Variants in TCF12 observed in about 807,000 individuals in gnomAD.
The protein encoded by TCF12 is DNA-binding protein HTF4.
TCF12 carries 45 observed loss-of-function variants against 86.0 expected under a neutral mutation model. The observed-to-expected ratio is 0.52, with a 90% CI of 0.41 to 0.67. The LOEUF is 0.67. TCF12 is among the 30% of genes least tolerant of loss of function. The pLI is 0.00. For missense variants in TCF12, 881 were observed against 859.9 expected (o/e 1.02, Z -0.31); for synonymous variants, 330 against 299.6 (o/e 1.10, Z -1.05).
intron 4 of TCF12, among the ~76,000 whole-genome samples, chr15:57,065,791 G>T (rs1393086448): frequency 1.3e-5 from 2 of 152,062 alleles, no homozygotes; most frequent in Non-Finnish European, 2.9e-5. Flanking sequence ...GGTCAAATGT[G>T]AAATGCTGTA....
At chr15:57,225,783 T>G (rs2058844414) in intron 8 of TCF12, among the ~76,000 whole-genome samples, 1 of 152,130 alleles carries the variant, frequency 6.6e-6, no homozygotes, top group Non-Finnish European at 1.5e-5. Flanking sequence ...CCCATAAAAT[T>G]GAGAAAGAGA....
rs142517885 is a variant in TCF12, at chr15:57,150,137, C to G, written c.326-16265C>G. On this transcript the variant is annotated intron_variant, in intron 5 of 20. Coordinates refer to ENST00000333725, the MANE Select transcript of TCF12 (RefSeq NM_207037.2). ...TGGCAGTCTTTGTGAGTTGAGAAGA[C>G]AAAAATCAGAATTCAGAGAAGCTAT... 7.9e-3 allele frequency among the ~76,000 whole-genome samples: 1,209 copies of G among 152,174 alleles called. 11 individuals are homozygous for G. The highest frequency in any genetic ancestry group is 0.013 in the Non-Finnish European group (915 of 68,000).
chr15:56,933,280 T>C (rs181630533), intron 3 of TCF12, among the ~76,000 whole-genome samples: 6 of 152,350 alleles, frequency 3.9e-5, no homozygotes, highest in Admixed American at 3.3e-4. Flanking sequence ...TTTTAATTCA[T>C]TAAATGAAAG....
chr15:57,141,868 C>G (rs1334436070), intron 5 of TCF12, among the ~76,000 whole-genome samples: 7 of 152,020 alleles, frequency 4.6e-5, no homozygotes, highest in Non-Finnish European at 7.4e-5. Context: ...GGAAGATTAG[C>G]TAGATTATGG....
intron 6 of TCF12, among the ~76,000 whole-genome samples, chr15:57,177,909 C>T (rs1301386361): frequency 6.6e-6 from 1 of 151,912 alleles, no homozygotes; most frequent in Non-Finnish European, 1.5e-5. Context: ...TGGGGTTTTG[C>T]CATGTTGCCC....
chr15:56,933,659 A>C (rs116135214), intron 3 of TCF12, among the ~76,000 whole-genome samples: 1,761 of 152,252 alleles, frequency 0.012, 31 homozygotes, highest in African/African-American at 0.04. Flanking sequence ...GAGCAGATTA[A>C]AAGTTTTTAT....
rs561873885 is a variant in TCF12, at chr15:56,952,895, TTTAAATAGTGGTGAGAACAGATATCC to T, written c.148+31800_148+31825del. Among the ~76,000 whole-genome samples the T allele has an allele frequency of 4.5e-3, 686 of 152,256 alleles. 6 individuals are homozygous for T. Among genetic ancestry groups the T allele is most frequent in the Admixed American group, 0.022 (331 of 15,308 alleles). ...TACTTTCCAGAAACTCCAGTACAATTTTAAATAGTGGTGAGAACAGATATCCTTGTCTTGTTTTAGATCTTAGAAAG... is the reference window on the plus strand; with the variant it reads ...TACTTTCCAGAAACTCCAGTACAATTTTGTCTTGTTTTAGATCTTAGAAAG... On this transcript the variant is annotated intron_variant, in intron 3 of 20. Coordinates refer to ENST00000333725, the MANE Select transcript of TCF12 (RefSeq NM_207037.2).
chr15:57,087,977 T>C (rs2048755693), intron 4 of TCF12, among the ~76,000 whole-genome samples: 1 of 152,102 alleles, frequency 6.6e-6, no homozygotes, highest in Non-Finnish European at 1.5e-5. Context: ...GGAGCCATGT[T>C]TGACCCCTTT....
intron 3 of TCF12, among the ~76,000 whole-genome samples, chr15:57,018,787 C>A (rs1213854931): frequency 6.6e-6 from 1 of 152,130 alleles, no homozygotes; most frequent in African/African-American, 2.4e-5. Flanking sequence ...GATAAAAGTT[C>A]TTTTCTCAAA....
At chr15:57,182,898 A>C (rs2056443062) in intron 6 of TCF12, among the ~76,000 whole-genome samples, 1 of 152,104 alleles carries the variant, frequency 6.6e-6, no homozygotes, top group South Asian at 2.1e-4. Context: ...TAAATCACTT[A>C]CATGTTTTCA....
chr15:57,213,645 A>G (rs1451040986), intron 8 of TCF12, among the ~76,000 whole-genome samples: 1 of 152,208 alleles, frequency 6.6e-6, no homozygotes, highest in Non-Finnish European at 1.5e-5. Context: ...ATTTCTCATA[A>G]ATTGAAAGGA....
At chr15:57,259,729 G>A (rs1266787519) in intron 16 of TCF12, among the ~76,000 whole-genome samples, 1 of 152,218 alleles carries the variant, frequency 6.6e-6, no homozygotes, top group Non-Finnish European at 1.5e-5. Flanking sequence ...CCTGTCAGCT[G>A]TATGCTAACG....
At chr15:57,171,390 A>G (rs2055487095) in intron 6 of TCF12, among the ~76,000 whole-genome samples, 1 of 152,096 alleles carries the variant, frequency 6.6e-6, no homozygotes, top group Non-Finnish European at 1.5e-5. Context: ...AGGAGGGACA[A>G]AAAATATACT....
At chr15:56,972,592 G>T (rs2062393981) in intron 3 of TCF12, among the ~76,000 whole-genome samples, 1 of 152,124 alleles carries the variant, frequency 6.6e-6, no homozygotes, top group South Asian at 2.1e-4. Flanking sequence ...CTGCAAATGA[G>T]CCATAGAAAA....
At chr15:57,216,505 C>T (rs1454599442) in intron 8 of TCF12, among the ~76,000 whole-genome samples, 1 of 150,030 alleles carries the variant, frequency 6.7e-6, no homozygotes, top group Non-Finnish European at 1.5e-5. Flanking sequence ...TTGGCCCTGT[C>T]TCCAGCTGAC....
chr15:56,966,008 C>G (rs1416384571), intron 3 of TCF12, among the ~76,000 whole-genome samples: 1 of 151,962 alleles, frequency 6.6e-6, no homozygotes. Context: ...TACAGGGATA[C>G]AGTCATGAAT....
chr15:56,931,436 G>C (rs749023105), intron 3 of TCF12, among the ~76,000 whole-genome samples: 4 of 152,072 alleles, frequency 2.6e-5, no homozygotes, highest in Non-Finnish European at 4.4e-5. Flanking sequence ...GTATATATAA[G>C]AAGCATTATA....
intron 8 of TCF12, among the ~76,000 whole-genome samples, chr15:57,224,404 G>A (rs2058769674): frequency 6.6e-6 from 1 of 152,032 alleles, no homozygotes; most frequent in African/African-American, 2.4e-5. Context: ...GCCCAGTGAT[G>A]TTAATTTAAG....
rs117083382 is a variant in TCF12, at chr15:56,967,176, A to G, written c.148+46078A>G. Reference sequence around the variant, plus strand: ...AAAAATATTAAGTTGACTTGGTTTCATAATTATTGATGGTGATTAGAAATA... The same window carrying G: ...AAAAATATTAAGTTGACTTGGTTTCGTAATTATTGATGGTGATTAGAAATA... On this transcript the variant is annotated intron_variant, in intron 3 of 20. Coordinates refer to ENST00000333725, the MANE Select transcript of TCF12 (RefSeq NM_207037.2). 9.8e-3 allele frequency among the ~76,000 whole-genome samples: 1,489 copies of G among 152,080 alleles called. 9 individuals are homozygous for G. Among genetic ancestry groups the G allele is most frequent in the Non-Finnish European group, 0.014 (930 of 67,984 alleles).
Sources: allele counts gnomAD v4.1 joint callset (sites outside exome capture counted in the v4.1 genomes callset), GRCh38; gene constraint gnomAD v4.1.1; transcripts MANE v1.5; gene names NCBI Gene and HGNC (gene_info 2026-07-23, HGNC 2026-07-21).